Variants in DPP6 observed in about 807,000 individuals in gnomAD.
The protein encoded by DPP6 is A-type potassium channel modulatory protein DPP6.
DPP6 carries 69 observed loss-of-function variants against 122.6 expected under a neutral mutation model. The ratio of observed to expected loss-of-function variants is 0.56; its 90% CI spans 0.46 to 0.69. The LOEUF (loss-of-function observed/expected upper bound fraction) is 0.69, where lower values mean the gene tolerates loss of function less well. Ranked by LOEUF, DPP6 falls within the 30% of genes least tolerant of loss-of-function variation. The probability of loss-of-function intolerance (pLI) is 0.00; values close to 1 mark genes in which losing one functional copy is unlikely to be tolerated. For missense variants in DPP6, 928 were observed against 1,116.9 expected (o/e 0.83, Z 2.41); for synonymous variants, 418 against 433.1 (o/e 0.97, Z 0.43).
Position 154,060,272 on chromosome 7 carries a change from C to CT in DPP6, c.243+7209_243+7210insT, listed in dbSNP as rs1491164971. Among the ~76,000 whole-genome samples, 18 of 121,084 alleles carry CT rather than the reference C, an allele frequency of 1.5e-4. 1 individual carries two copies. Among genetic ancestry groups the CT allele is most frequent in the Non-Finnish European group, 1.1e-4 (6 of 56,308 alleles). 79.4% of individuals were successfully genotyped at this position (121,084 alleles called of 152,430 possible). A position where few individuals can be genotyped will look rare whatever the true frequency, so the allele number is the denominator to read the frequency against. On this transcript the variant is annotated intron_variant, in intron 1 of 25. Transcript: ENST00000377770. ...GGGGGCGGAGGCACCCCCCGCGAGG[C>CT]AGGGACTGAGAGGCAATCCCTCTTC...
At chr7:154,310,028 T>C (rs1806727301) in intron 1 of DPP6, among the ~76,000 whole-genome samples, 3 of 152,214 alleles carry the variant, frequency 2.0e-5, no homozygotes, top group Admixed American at 2.0e-4. Flanking sequence ...ACTCATGGAC[T>C]TCCAGAGCCG....
At chr7:154,410,228 A>C (rs2151203761) in intron 1 of DPP6, among the ~76,000 whole-genome samples, 1 of 152,364 alleles carries the variant, frequency 6.6e-6, no homozygotes, top group Admixed American at 6.5e-5. Flanking sequence ...CTTAGGGATG[A>C]CAGTTCAAGA....
chr7:154,587,466 T>C, intron 5 of DPP6: 2 of 660,416 alleles, frequency 3.0e-6, no homozygotes, highest in South Asian at 2.0e-5. Context: ...CAGCTAAGCA[T>C]GGTTCTGAGC....
rs555914907 is a variant in DPP6, at chr7:154,109,684, T to C, written c.243+56621T>C. Among the ~76,000 whole-genome samples, 18 of 152,204 alleles carry C rather than the reference T, an allele frequency of 1.2e-4. No individual in the cohort carries two copies. In the East Asian group the frequency reaches 3.5e-3, roughly 29 times the overall value. ...TGATGATGTGTGCATTTTTTTTTCC[T>C]CTGGTAGGACATAATTCTCCCTGAG... is the stretch of plus-strand genomic sequence containing the variant. On this transcript the variant is annotated intron_variant, in intron 1 of 25. Transcript: ENST00000377770.
chr7:153,850,931 G>A, the DPP6 span, among the ~76,000 whole-genome samples: 1 of 152,278 alleles, frequency 6.6e-6, no homozygotes, highest in Non-Finnish European at 1.5e-5. Flanking sequence ...ATATGTCCCA[G>A]GAGGTAAGAA....
chr7:154,475,550 C>T (rs1188615898), intron 3 of DPP6: 2 of 157,704 alleles, frequency 1.3e-5, no homozygotes, highest in African/African-American at 4.8e-5. Context: ...CCCTGTTGAA[C>T]TTTAATTTGG....
chr7:154,627,400 A>T (rs11977558), intron 5 of DPP6, among the ~76,000 whole-genome samples: 2,250 of 150,742 alleles, frequency 0.015, 56 homozygotes, highest in African/African-American at 0.052. Context: ...GGGTTTCACC[A>T]TGTTGGCCAG....
At chr7:153,827,219 C>T in the DPP6 span, among the ~76,000 whole-genome samples, 1 of 152,116 alleles carries the variant, frequency 6.6e-6, no homozygotes, top group Non-Finnish European at 1.5e-5. Context: ...TTATGCCAAG[C>T]TATAATTTTA....
intron 1 of DPP6, among the ~76,000 whole-genome samples, chr7:153,896,571 G>A (rs1402942550): frequency 2.6e-5 from 4 of 152,192 alleles, no homozygotes; most frequent in Admixed American, 2.0e-4. Context: ...TTGGGAGGCT[G>A]AGGTGGGAGG....
intron 16 of DPP6, among the ~76,000 whole-genome samples, chr7:154,827,675 C>T (rs936742096): frequency 1.1e-5 from 1 of 93,794 alleles, no homozygotes; most frequent in African/African-American, 4.1e-5. Flanking sequence ...GGGGTGGTGT[C>T]GCAGCCCAAG....
the DPP6 span, among the ~76,000 whole-genome samples, chr7:153,775,881 G>C: frequency 6.6e-6 from 1 of 152,122 alleles, no homozygotes; most frequent in African/African-American, 2.4e-5. Context: ...TACAGGATCT[G>C]TATGCTGAAA....
intron 1 of DPP6, among the ~76,000 whole-genome samples, chr7:154,406,954 C>T (rs891283283): frequency 6.6e-6 from 1 of 152,184 alleles, no homozygotes; most frequent in Non-Finnish European, 1.5e-5. Flanking sequence ...ATCAGTGTCA[C>T]CTGATCATCC....
chr7:153,836,953 C>T, the DPP6 span, among the ~76,000 whole-genome samples: 5 of 152,130 alleles, frequency 3.3e-5, no homozygotes, highest in East Asian at 1.9e-4. Flanking sequence ...GTGGCTGCTG[C>T]GGAGGCTGGT....
intron 16 of DPP6, among the ~76,000 whole-genome samples, chr7:154,820,499 G>A (rs1185049114): frequency 2.0e-5 from 3 of 152,188 alleles, no homozygotes; most frequent in Non-Finnish European, 4.4e-5. Context: ...CCTGGATCAC[G>A]CTGACGTAAA....
At chr7:154,784,689 G>A (rs758337016) in intron 10 of DPP6, among the ~76,000 whole-genome samples, 9 of 152,096 alleles carry the variant, frequency 5.9e-5, no homozygotes, top group Non-Finnish European at 1.2e-4. Context: ...CAATCAGGCA[G>A]GGGTGACTCT....
intron 8 of DPP6, among the ~76,000 whole-genome samples, chr7:154,731,038 G>T (rs1359604818): frequency 6.6e-6 from 1 of 152,206 alleles, no homozygotes; most frequent in Non-Finnish European, 1.5e-5. Flanking sequence ...TCCCTGGAAG[G>T]TTTATATGCT....
intron 1 of DPP6, among the ~76,000 whole-genome samples, chr7:154,312,676 C>A (rs191434172): frequency 6.6e-6 from 1 of 152,090 alleles, no homozygotes; most frequent in Non-Finnish European, 1.5e-5. Context: ...ATGGGAACAC[C>A]GTGGTGATGG....
chr7:154,845,965 G>A (rs756478195), intron 16 of DPP6, among the ~76,000 whole-genome samples: 2 of 151,812 alleles, frequency 1.3e-5, no homozygotes, highest in Admixed American at 6.6e-5. Context: ...GGGACCAATG[G>A]GATGCGTCTT....
intron 3 of DPP6, among the ~76,000 whole-genome samples, chr7:154,520,887 T>C (rs1157692846): frequency 1.3e-5 from 2 of 152,176 alleles, no homozygotes; most frequent in African/African-American, 2.4e-5. Flanking sequence ...AAAATATAAG[T>C]GCCCATATAA....
Sources: allele counts gnomAD v4.1 joint callset (sites outside exome capture counted in the v4.1 genomes callset), GRCh38; gene constraint gnomAD v4.1.1; transcripts MANE v1.5; gene names NCBI Gene and HGNC (gene_info 2026-07-23, HGNC 2026-07-21).